MDGA2: variants seen among roughly 807,000 people sequenced by gnomAD.
MDGA2 encodes MAM domain-containing glycosylphosphatidylinositol anchor protein 2.
Under a neutral mutation model 117.8 loss-of-function variants are expected in MDGA2, and 40 were observed. The observed-to-expected ratio is 0.34, with a 90% confidence interval of 0.26 to 0.44. MDGA2 has a LOEUF of 0.44. Ranked by LOEUF, MDGA2 falls within the 20% of genes least tolerant of loss-of-function variation. MDGA2 has a pLI of 1.00. For missense variants in MDGA2, 1,123 were observed against 1,250.6 expected, an observed-to-expected ratio of 0.90 and a Z score of 1.54; for synonymous variants, 452 against 439.0, an observed-to-expected ratio of 1.03 and a Z score of -0.37.
chr14:46,867,400 G>A (rs1181912389), intron 14 of MDGA2, among the ~76,000 whole-genome samples: 1 of 152,040 alleles, frequency 6.6e-6, no homozygotes, highest in Non-Finnish European at 1.5e-5. Context: ...TGTGGGGTGG[G>A]GGGAGAGGGG....
intron 6 of MDGA2, among the ~76,000 whole-genome samples, chr14:47,064,885 A>C (rs1230223232): frequency 6.6e-6 from 1 of 152,146 alleles, no homozygotes; most frequent in African/African-American, 2.4e-5. Flanking sequence ...TTAAACTCTT[A>C]AAATCAATCT....
chr14:47,280,314 CAAAAAAAAAAAAAAAAAAA>C (rs1196509408), intron 2 of MDGA2, among the ~76,000 whole-genome samples: 1 of 35,842 alleles, frequency 2.8e-5, no homozygotes, highest in African/African-American at 1.2e-4. Context: ...AACTCCATCT[CAAAAAAAAAAAAAAAAAAA>C]AAAAAAAAAA....
chr14:47,123,196 A>T (rs1266867437), intron 5 of MDGA2, among the ~76,000 whole-genome samples: 2 of 151,978 alleles, frequency 1.3e-5, no homozygotes, highest in Admixed American at 6.6e-5. Flanking sequence ...GGGTATATTT[A>T]TGTTAAGAAC....
At chr14:47,594,686 T>C (rs1896503200) in intron 1 of MDGA2, among the ~76,000 whole-genome samples, 1 of 152,208 alleles carries the variant, frequency 6.6e-6, no homozygotes, top group Non-Finnish European at 1.5e-5. Context: ...CTTCACCAGG[T>C]AGGTACTGTA....
At chr14:47,586,787 T>C (rs995986068) in intron 1 of MDGA2, among the ~76,000 whole-genome samples, 1 of 151,794 alleles carries the variant, frequency 6.6e-6, no homozygotes, top group Admixed American at 6.6e-5. Context: ...GGAAATTGAG[T>C]ACCTAGCAGA....
At chr14:47,284,023 C>T (rs184075315) in intron 2 of MDGA2, among the ~76,000 whole-genome samples, 1 of 152,192 alleles carries the variant, frequency 6.6e-6, no homozygotes, top group Non-Finnish European at 1.5e-5. Flanking sequence ...AGCCTCTGTC[C>T]CCAACAATCT....
chr14:47,597,913 A>G (rs1453930567), intron 1 of MDGA2, among the ~76,000 whole-genome samples: 1 of 151,616 alleles, frequency 6.6e-6, no homozygotes, highest in African/African-American at 2.4e-5. Context: ...TGCCACTTCT[A>G]GATATAATTA....
At chr14:47,022,705 T>C (rs1888329485) in intron 8 of MDGA2, among the ~76,000 whole-genome samples, 1 of 152,138 alleles carries the variant, frequency 6.6e-6, no homozygotes, top group Non-Finnish European at 1.5e-5. Context: ...TTGAAGATTG[T>C]AAAGAGTGGG....
At chr14:46,914,277 T>C (rs1883818901) in intron 10 of MDGA2, among the ~76,000 whole-genome samples, 1 of 152,128 alleles carries the variant, frequency 6.6e-6, no homozygotes. Context: ...TGGAGGTTAA[T>C]AGCTGTCTAA....
chr14:47,561,179 GTTT>G (rs1299123339), intron 1 of MDGA2, among the ~76,000 whole-genome samples: 2 of 71,624 alleles, frequency 2.8e-5, no homozygotes, highest in Non-Finnish European at 5.5e-5. Flanking sequence ...TTGTTTGTTT[GTTT>G]TTTTTTGCTT....
At chr14:46,839,826 T>G (rs1880536942), downstream of MDGA2, among the ~76,000 whole-genome samples, 1 of 151,968 alleles carries the variant, frequency 6.6e-6, no homozygotes, top group Admixed American at 6.6e-5. Context: ...ATATTCAAAC[T>G]GGTCCCCTTT....
At chr14:47,489,334 G>C (rs537414821) in intron 1 of MDGA2, among the ~76,000 whole-genome samples, 1 of 151,882 alleles carries the variant, frequency 6.6e-6, no homozygotes, top group Non-Finnish European at 1.5e-5. Flanking sequence ...TAACTTTTTC[G>C]TGGCACTCAT....
At chr14:47,394,378 T>G (rs1891961625) in intron 1 of MDGA2, among the ~76,000 whole-genome samples, 1 of 152,140 alleles carries the variant, frequency 6.6e-6, no homozygotes, top group Non-Finnish European at 1.5e-5. Context: ...ATCTGTAACC[T>G]AGTGTAAAAG....
intron 8 of MDGA2, among the ~76,000 whole-genome samples, chr14:47,005,778 C>G (rs1289859729): frequency 6.6e-6 from 1 of 151,448 alleles, no homozygotes; most frequent in Non-Finnish European, 1.5e-5. Flanking sequence ...GCTATTGATA[C>G]TAACTGCTGG....
At chr14:47,160,825 C>T (rs1883604448) in intron 3 of MDGA2, among the ~76,000 whole-genome samples, 1 of 152,158 alleles carries the variant, frequency 6.6e-6, no homozygotes, top group South Asian at 2.1e-4. Flanking sequence ...AATACAGATA[C>T]TTAATCACAT....
intron 1 of MDGA2, among the ~76,000 whole-genome samples, chr14:47,456,953 G>A (rs1893368259): frequency 6.6e-6 from 1 of 151,314 alleles, no homozygotes; most frequent in Non-Finnish European, 1.5e-5. Flanking sequence ...CAGCACCTCA[G>A]ATATTCTAGA....
At chr14:47,142,651 G>T (rs1455385447) in intron 4 of MDGA2, among the ~76,000 whole-genome samples, 1 of 152,014 alleles carries the variant, frequency 6.6e-6, no homozygotes, top group African/African-American at 2.4e-5. Flanking sequence ...CATTTATCTG[G>T]ATAATATTTT....
At chr14:46,902,950 G>C (rs367620667) in intron 10 of MDGA2, among the ~76,000 whole-genome samples, 2 of 152,190 alleles carry the variant, frequency 1.3e-5, no homozygotes, top group Non-Finnish European at 2.9e-5. Context: ...AGGCAAAAAG[G>C]GGGAGGGCCC....
intron 7 of MDGA2, among the ~76,000 whole-genome samples, chr14:47,050,863 T>C (rs971115350): frequency 2.6e-5 from 4 of 151,990 alleles, no homozygotes; most frequent in Admixed American, 1.3e-4. Flanking sequence ...GATATGGGAC[T>C]GGCAAGGAGA....
Sources: gnomAD v4.1 joint callset for allele counts (sites outside exome capture counted in the v4.1 genomes callset) on GRCh38, gnomAD v4.1.1 for gene constraint, MANE v1.5 for transcripts, NCBI Gene and HGNC (gene_info 2026-07-23, HGNC 2026-07-21) for gene names.